The following ZFP1 variants were observed in gnomAD, a reference collection of about 807,000 sequenced individuals.
ZFP1 encodes the protein zinc finger protein 1 homolog.
Under a neutral mutation model 38.5 loss-of-function variants are expected in ZFP1, and 32 were observed. The ratio of observed to expected loss-of-function variants is 0.83; its 90% CI spans 0.63 to 1.12. ZFP1 has a LOEUF of 1.12. Among genes scored for constraint, ZFP1 ranks in the 50% most tolerant of loss-of-function variants. The probability of loss-of-function intolerance (pLI) is 0.00; values close to 1 mark genes in which losing one functional copy is unlikely to be tolerated. For missense variants in ZFP1, 616 were observed against 480.8 expected (o/e 1.28, Z -2.63); for synonymous variants, 245 against 168.8 (o/e 1.45, Z -3.50).
chr16:75,131,020 T>C, the ZFP1 span, among the ~76,000 whole-genome samples: 1 of 152,144 alleles, frequency 6.6e-6, no homozygotes, highest in Non-Finnish European at 1.5e-5. Flanking sequence ...ATATCCCGCT[T>C]CCTCCCAACC....
chr16:75,143,273 C>G, the ZFP1 span, among the ~76,000 whole-genome samples: 1 of 152,096 alleles, frequency 6.6e-6, no homozygotes, highest in Non-Finnish European at 1.5e-5. Context: ...TGGAGTCTCA[C>G]TCTTGTTGCC....
chr16:75,169,355 GA>G lies in ZFP1; in HGVS notation c.246del (p.Gly83AlafsTer10). The G allele has an allele frequency of 6.2e-7, 1 of 1,614,152 alleles. No individual in the cohort carries two copies. Among genetic ancestry groups the G allele is most frequent in the South Asian group, 1.1e-5 (1 of 91,082 alleles). ...ILKNQTPIEERGDLFGKALNL... is the reference protein window; with the variant it reads ...ILKNQTPIEEXGDLFGKALNL... ...AAGAACCAAACCCCAATTGAGGAAA[GA>G]GGCGATCTCTTTGGAAAAGCACTTA... is the stretch of plus-strand genomic sequence containing the variant. On this transcript the variant is annotated frameshift_variant, in exon 4 of 4. Coordinates refer to ENST00000570010, the MANE Select transcript of ZFP1 (RefSeq NM_153688.4). LOFTEE classifies it high-confidence loss of function.
rs954483575 is a variant in ZFP1 at position 75,171,219 on chromosome 16, T to C, written c.*885T>C. ...GTAACACAGACAGAAACCACCTGTT[T>C]TTGTCTTTCCTTGTTTCCCTTAATA... On this transcript the variant is annotated 3_prime_UTR_variant, in exon 4 of 4. Transcript: ENST00000570010. 1 of 152,210 alleles carries C rather than the reference T, an allele frequency of 6.6e-6. No individual in the cohort carries two copies. Among genetic ancestry groups the C allele is most frequent in the Non-Finnish European group, 1.5e-5 (1 of 68,026 alleles). 9.4% of individuals were successfully genotyped at this position (152,210 alleles called of 1,614,324 possible). A position where few individuals can be genotyped will look rare whatever the true frequency, so the allele number is the denominator to read the frequency against.
At chr16:75,137,196 C>T in the ZFP1 span, among the ~76,000 whole-genome samples, 1 of 152,082 alleles carries the variant, frequency 6.6e-6, no homozygotes, top group South Asian at 2.1e-4. Flanking sequence ...CAAAGGGGCC[C>T]AGGAGTCACC....
In ZFP1 at chr16:75,152,889, T is replaced by G; in HGVS notation, c.-43-20T>G. On this transcript the variant is annotated intron_variant, in intron 1 of 3. Transcript: ENST00000570010. The stretch of plus-strand genomic sequence containing the variant: ...GGTCAGACCTTTAATAACAATGCCT[T>G]CCTTTTTCCTCTATTCCAGTTCTGC... 2 of 1,607,692 alleles carry G rather than the reference T, an allele frequency of 1.2e-6. No individual in the cohort carries two copies. Among genetic ancestry groups the G allele is most frequent in the South Asian group, 1.1e-5 (1 of 89,866 alleles).
chr16:75,166,537 T>C (rs2038092357), intron 2 of ZFP1: 1 of 985,076 alleles, frequency 1.0e-6, no homozygotes, highest in African/African-American at 1.7e-5. Context: ...CCAATAGTGT[T>C]TTATTAATCT....
chr16:75,138,324 C>T, the ZFP1 span, among the ~76,000 whole-genome samples: 9 of 152,262 alleles, frequency 5.9e-5, no homozygotes, highest in East Asian at 1.7e-3. Context: ...CGTGAGCCAC[C>T]GCGCACAGCC....
chr16:75,144,718 T>A (rs2036925058), upstream of ZFP1, among the ~76,000 whole-genome samples: 1 of 152,216 alleles, frequency 6.6e-6, no homozygotes, highest in Admixed American at 6.5e-5. Context: ...TTTATTCCAG[T>A]CCCTGGTAAC....
the ZFP1 span, among the ~76,000 whole-genome samples, chr16:75,120,152 T>C: frequency 6.6e-6 from 1 of 152,236 alleles, no homozygotes; most frequent in South Asian, 2.1e-4. Context: ...GTGGTGTGTG[T>C]GTGTGTGCGC....
upstream of ZFP1, among the ~76,000 whole-genome samples, chr16:75,143,571 A>G (rs2036908553): frequency 1.4e-5 from 2 of 144,470 alleles, no homozygotes; most frequent in Admixed American, 1.4e-4. Context: ...GTGTGATAAT[A>G]TTGTTATTAC....
At chr16:75,134,027 C>T in the ZFP1 span, among the ~76,000 whole-genome samples, 2,993 of 152,210 alleles carry the variant, frequency 0.02, 46 homozygotes, top group Middle Eastern at 0.062. Flanking sequence ...CCAGCCTGGG[C>T]GATAGAGCAA....
the ZFP1 span, among the ~76,000 whole-genome samples, chr16:75,134,335 T>A: frequency 6.6e-6 from 1 of 152,224 alleles, no homozygotes; most frequent in Non-Finnish European, 1.5e-5. Flanking sequence ...AGTTTATTAA[T>A]TTTGTGAAAT....
chr16:75,167,001 A>T, intron 3 of ZFP1, 105 bp downstream of exon 3: 1 of 1,518,490 alleles, frequency 6.6e-7, no homozygotes. Flanking sequence ...TTTTGGCCTA[A>T]GTCCTCAGGT....
At chr16:75,145,890 C>G (rs190533239), upstream of ZFP1, among the ~76,000 whole-genome samples, 145 of 152,284 alleles carry the variant, frequency 9.5e-4, 2 homozygotes, top group East Asian at 0.016. Flanking sequence ...GTCACCCTCA[C>G]TCTCCACTGA....
chr16:75,169,413 A>C lies in ZFP1; in HGVS notation c.303A>C (p.Gln101His). Reference protein sequence around the residue: ...NLNTDFVSLRQVPYKYDLYEK... With the variant: ...NLNTDFVSLRHVPYKYDLYEK... ...ACACAGACTTTGTTTCTTTAAGACA[A>C]GTACCTTATAAATATGACTTATATG... Residue 101 changes from glutamine (Q) to histidine (H), a missense_variant, in exon 4 of 4, where the codon CAA becomes CAC. Physicochemically the swap from Gln to His is conservative, Grantham distance 24. Coordinates refer to ENST00000570010, the MANE Select transcript of ZFP1 (RefSeq NM_153688.4). The C allele has an allele frequency of 6.2e-7, 1 of 1,614,002 alleles. No individual in the cohort carries two copies. Among genetic ancestry groups the C allele is most frequent in the African/African-American group, 1.3e-5 (1 of 75,024 alleles).
chr16:75,150,671 C>A (rs528692280), intron 1 of ZFP1, among the ~76,000 whole-genome samples: 11 of 152,096 alleles, frequency 7.2e-5, no homozygotes, highest in African/African-American at 1.7e-4. Flanking sequence ...TCAAGTGATC[C>A]GCTGACCTTG....
chr16:75,155,286 C>A (rs1233040504), intron 2 of ZFP1, among the ~76,000 whole-genome samples: 1 of 152,196 alleles, frequency 6.6e-6, no homozygotes, highest in African/African-American at 2.4e-5. Flanking sequence ...CACATGCCGC[C>A]ATGCTTACCT....
chr16:75,122,660 T>C, the ZFP1 span, among the ~76,000 whole-genome samples: 1,461 of 152,380 alleles, frequency 9.6e-3, 87 homozygotes, highest in Admixed American at 0.085. Flanking sequence ...ATCTTAAATT[T>C]AGTAAGATTA....
chr16:75,134,959 C>T, the ZFP1 span, among the ~76,000 whole-genome samples: 1 of 151,660 alleles, frequency 6.6e-6, no homozygotes, highest in East Asian at 1.9e-4. Context: ...GAGGCTGAGG[C>T]AGGAGAGTCG....
Sources: gnomAD v4.1 joint callset for allele counts (sites outside exome capture counted in the v4.1 genomes callset) on GRCh38, gnomAD v4.1.1 for gene constraint, MANE v1.5 for transcripts, NCBI Gene and HGNC (gene_info 2026-07-23, HGNC 2026-07-21) for gene names.